The following INTS6 variants were observed in gnomAD, a reference collection of about 807,000 sequenced individuals.
The protein encoded by INTS6 is DEAD box protein.
Under a neutral mutation model 104.9 loss-of-function variants are expected in INTS6, and 16 were observed. The ratio of observed to expected loss-of-function variants is 0.15; its 90% CI spans 0.10 to 0.23. INTS6 has a LOEUF of 0.23. Among genes scored for constraint, INTS6 ranks in the 10% least tolerant of loss-of-function variants. The pLI is 1.00. For missense variants in INTS6, 584 were observed against 1,062.8 expected (o/e 0.55, Z 6.26); for synonymous variants, 324 against 358.7 (o/e 0.90, Z 1.09).
chr13:51,451,748 T>C (rs555265814), intron 2 of INTS6, among the ~76,000 whole-genome samples: 29 of 140,004 alleles, frequency 2.1e-4, no homozygotes, highest in African/African-American at 3.7e-4. Context: ...CCGCCGCCGC[T>C]GCCGGGCCGG....
At chr13:51,388,228 C>T (rs1338970346) in intron 6 of INTS6, among the ~76,000 whole-genome samples, 1 of 151,890 alleles carries the variant, frequency 6.6e-6, no homozygotes, top group Non-Finnish European at 1.5e-5. Flanking sequence ...TTGTTATCAC[C>T]CATTCCTTCC....
At chr13:51,419,022 T>C (rs964397021) in intron 4 of INTS6, among the ~76,000 whole-genome samples, 1 of 152,214 alleles carries the variant, frequency 6.6e-6, no homozygotes, top group African/African-American at 2.4e-5. Flanking sequence ...ATAAATGGAA[T>C]AATGCTATAT....
At chr13:51,368,067 A>G (rs1229396958) in intron 16 of INTS6, among the ~76,000 whole-genome samples, 169 bp from the exon 17 acceptor site, 2 of 152,154 alleles carry the variant, frequency 1.3e-5, no homozygotes, top group African/African-American at 4.8e-5. Context: ...ATGTAAAAGT[A>G]AGTACACAGC....
At chr13:51,345,510 G>A in the INTS6 span, among the ~76,000 whole-genome samples, 1 of 147,558 alleles carries the variant, frequency 6.8e-6, no homozygotes, top group Non-Finnish European at 1.5e-5. Context: ...CAGGAGAATC[G>A]CTTGAACCCA....
chr13:51,451,301 T>C, intron 2 of INTS6, 127 bp from the exon 3 acceptor site: 6 of 594,650 alleles, frequency 1.0e-5, no homozygotes, highest in Non-Finnish European at 1.6e-5. Context: ...AACGTGTTAA[T>C]ACTGTACCGC....
At chr13:51,413,888 T>TA (rs1956734474) in intron 4 of INTS6, among the ~76,000 whole-genome samples, 1 of 152,274 alleles carries the variant, frequency 6.6e-6, no homozygotes, top group Non-Finnish European at 1.5e-5. Flanking sequence ...CTTTCAAGCT[T>TA]ACTTTATCAC....
intron 4 of INTS6, among the ~76,000 whole-genome samples, chr13:51,428,326 C>CTTTT (rs887192550): frequency 7.4e-6 from 1 of 135,044 alleles, no homozygotes. Flanking sequence ...CTTTTTTTTT[C>CTTTT]TTTTTTTTTT....
intron 10 of INTS6, among the ~76,000 whole-genome samples, chr13:51,380,641 T>C (rs1956029139): frequency 6.6e-6 from 1 of 152,188 alleles, no homozygotes; most frequent in South Asian, 2.1e-4. Flanking sequence ...CCTAATTATA[T>C]TAGGGATGAT....
At chr13:51,368,560 T>C (rs1955738004) in intron 16 of INTS6, among the ~76,000 whole-genome samples, 1 of 152,180 alleles carries the variant, frequency 6.6e-6, no homozygotes, top group Non-Finnish European at 1.5e-5. Context: ...GTTTAACTAC[T>C]AAACATAGTG....
chr13:51,420,767 A>C (rs975426401), intron 4 of INTS6, among the ~76,000 whole-genome samples: 16 of 152,048 alleles, frequency 1.1e-4, no homozygotes, highest in African/African-American at 3.9e-4. Flanking sequence ...AAAAAAAAAA[A>C]AAAAAAACTA....
chr13:51,374,903 T>C, intron 13 of INTS6, 107 bp from the exon 14 acceptor site: 1 of 1,106,332 alleles, frequency 9.0e-7, no homozygotes, highest in Non-Finnish European at 1.3e-6. Flanking sequence ...CAGTCTTCTT[T>C]ACCAACATAT....
intron 5 of INTS6, among the ~76,000 whole-genome samples, chr13:51,394,206 TA>T (rs1294375884): frequency 1.3e-5 from 2 of 151,924 alleles, no homozygotes; most frequent in African/African-American, 2.4e-5. Context: ...AGGTTATCCC[TA>T]AAAAAAATTA....
At chr13:51,387,742 A>G (rs1373315210) in intron 6 of INTS6, among the ~76,000 whole-genome samples, 1 of 152,178 alleles carries the variant, frequency 6.6e-6, no homozygotes, top group Non-Finnish European at 1.5e-5. Flanking sequence ...AATAAGTACA[A>G]ATTCCAACTA....
In INTS6 at chr13:51,430,348, A is replaced by T; in HGVS notation, c.375T>A (p.Ile125=). The change falls in exon 4 of 18, where the codon ATT becomes ATA. Residue 125 remains isoleucine, a synonymous_variant. Coordinates refer to ENST00000311234, the MANE Select transcript of INTS6 (RefSeq NM_012141.3). ...RNPFFLEPAI[I]ITITDGSKLT... is the part of the protein sequence containing the mutation. Reference sequence around the variant, plus strand: ...ACTTGCTCCCATCAGTAATTGTGATAATTATTGCTGGCTCCAAGAAAAAAG... The same window carrying T: ...ACTTGCTCCCATCAGTAATTGTGATTATTATTGCTGGCTCCAAGAAAAAAG... 1 of 1,613,188 alleles carries T rather than the reference A, an allele frequency of 6.2e-7. No individual in the cohort carries two copies. Among genetic ancestry groups the T allele is most frequent in the African/African-American group, 1.3e-5 (1 of 75,044 alleles).
At chr13:51,437,396 A>C (rs575380970) in intron 3 of INTS6, 6 of 152,296 alleles carry the variant, frequency 3.9e-5, no homozygotes, top group South Asian at 4.1e-4. Flanking sequence ...TAGGGCAAAG[A>C]AGCAGATAAA....
At chr13:51,440,710 A>C (rs1165394593) in intron 3 of INTS6, 1 of 152,244 alleles carries the variant, frequency 6.6e-6, no homozygotes, top group Non-Finnish European at 1.5e-5. Context: ...CAGTACAGTT[A>C]CATGCTATAC....
In INTS6 at chr13:51,365,862, ATAG is replaced by A. The variant is rs748261348; in HGVS notation, c.2571-20_2571-18del. The A allele has an allele frequency of 2.1e-6, 3 of 1,453,924 alleles. No homozygotes were observed. The highest frequency in any genetic ancestry group is 2.9e-6 in the Non-Finnish European group (3 of 1,048,444). The allele number at this position is 1,453,924 out of a possible 1,614,324, so 90.1% of individuals were successfully genotyped here. On this transcript the variant is annotated intron_variant, in intron 17 of 17. Coordinates refer to ENST00000311234, the MANE Select transcript of INTS6 (RefSeq NM_012141.3). ...TTTTTAAACCTGTATGAAAAAATAA[ATAG>A]TACTCTCAATTACTTTTTAATGAAT...
chr13:51,369,993 T>C (rs1955773290), intron 15 of INTS6, among the ~76,000 whole-genome samples: 1 of 152,174 alleles, frequency 6.6e-6, no homozygotes. Flanking sequence ...AGTTCTCTGA[T>C]TGCTCACCAA....
At position 51,452,388 on chromosome 13, in the gene INTS6, C is replaced by T. The variant is rs759560288; in HGVS notation, c.111+27G>A. On this transcript the variant is annotated intron_variant, in intron 1 of 17. Coordinates refer to ENST00000311234, the MANE Select transcript of INTS6 (RefSeq NM_012141.3). This position sits in a 1 kb window ranked among gnomAD's most constrained non-coding sequence, Gnocchi z 4.2. The stretch of plus-strand genomic sequence containing the variant: ...CGCCCGCGGGCCGCCGGGCCGGGGT[C>T]GCCGCCCGGGCTCGGTCAGTCGGTA... The T allele has an allele frequency of 3.9e-6, 6 of 1,534,162 alleles. No individual in the cohort carries two copies. The African/African-American group carries it at 7.2e-5, about 18-fold the overall frequency.
Sources: allele counts gnomAD v4.1 joint callset (sites outside exome capture counted in the v4.1 genomes callset), GRCh38; gene constraint gnomAD v4.1.1; non-coding constraint Gnocchi (gnomAD v3.1); transcripts MANE v1.5; gene names NCBI Gene and HGNC (gene_info 2026-07-23, HGNC 2026-07-21).